Variants in CCDC154 observed in about 807,000 individuals in gnomAD.
CCDC154 encodes the protein coiled-coil domain-containing protein 154.
In CCDC154, 91 loss-of-function variants were observed where a neutral mutation model predicts 87.5. The observed-to-expected ratio is 1.04, with a 90% CI of 0.88 to 1.24. The LOEUF (loss-of-function observed/expected upper bound fraction) is 1.24, where lower values mean the gene tolerates loss of function less well. Among genes scored for constraint, CCDC154 ranks in the 50% most tolerant of loss-of-function variants. CCDC154 has a pLI of 0.00. For synonymous variants in CCDC154, 418 were observed against 400.4 expected, an observed-to-expected ratio of 1.04 and a Z score of -0.52; for missense variants, 903 against 879.2, an observed-to-expected ratio of 1.03 and a Z score of -0.34.
chr16:1,435,504 C>CTGTTTT (rs566105546), intron 14 of CCDC154, among the ~76,000 whole-genome samples: 19,186 of 151,800 alleles, frequency 0.13, 2,090 homozygotes, highest in African/African-American at 0.3. Context: ...CCAGGGACAG[C>CTGTTTT]TGTTTTTGTT....
Position 1,442,419 on chromosome 16 carries a change from A to G in CCDC154, c.662T>C (p.Val221Ala). The G allele has an allele frequency of 1.3e-6, 2 of 1,548,422 alleles. No homozygotes were observed. Among genetic ancestry groups the G allele is most frequent in the Non-Finnish European group, 1.7e-6 (2 of 1,146,010 alleles). Residue 221 changes from valine to alanine, a missense_variant, in exon 6 of 17, where the codon GTG becomes GCG. By Grantham distance (64) the Val-to-Ala change is moderately conservative. Coordinates refer to ENST00000389176, the MANE Select transcript of CCDC154 (RefSeq NM_001143980.3). ...EDSSRRVDLE[V>A]ARMQAQVTKL... is the part of the protein sequence containing the mutation. Reference sequence around the variant, plus strand: ...GCCTGGTGGTACCTGCATTCTGGCCACCTCCAGGTCCACCCTCCGGCTGCT... The same window carrying G: ...GCCTGGTGGTACCTGCATTCTGGCCGCCTCCAGGTCCACCCTCCGGCTGCT...
chr16:1,442,577 CA>C, intron 5 of CCDC154, 48 bp from the exon 6 acceptor site: 1 of 1,483,428 alleles, frequency 6.7e-7, no homozygotes, highest in Non-Finnish European at 9.0e-7. Flanking sequence ...CCGGAGGGCC[CA>C]GCAGGGTGAG....
chr16:1,434,625 G>A lies in CCDC154; in HGVS notation c.1877+43C>T, dbSNP rs1401888710. On this transcript the variant is annotated intron_variant, in intron 16 of 16. Transcript: ENST00000389176. The stretch of plus-strand genomic sequence containing the variant: ...TGTGGGCCCCCAGCCCTGAACCCCG[G>A]CCCAAAGGCCCAGGAGGCCGCGCCG... The A allele has an allele frequency of 3.3e-6, 5 of 1,534,452 alleles. No homozygotes were observed. The African/African-American group carries it at 6.9e-5, about 21-fold the overall frequency.
intron 11 of CCDC154, 147 bp downstream of exon 11, chr16:1,437,670 C>G (rs1475694705): frequency 9.6e-7 from 1 of 1,043,174 alleles, no homozygotes; most frequent in Non-Finnish European, 1.3e-6. Flanking sequence ...CTCGGGGTCT[C>G]CCAGGCCCTG....
Position 1,434,538 on chromosome 16 carries a change from T to C in CCDC154, c.1878-4A>G, listed in dbSNP as rs1273783764. The stretch of plus-strand genomic sequence containing the variant: ...GGACGCCTTCCAGCGCAGCCACCTG[T>C]CCAGAGATGCGGCACATGGCCCCTG... On this transcript the variant is annotated splice_region_variant and splice_polypyrimidine_tract_variant and intron_variant, in intron 16 of 16. Transcript: ENST00000389176. 2.6e-5 allele frequency: 40 copies of C among 1,542,556 alleles called. No individual in the cohort carries two copies. Among genetic ancestry groups the C allele is most frequent in the Non-Finnish European group, 3.2e-5 (37 of 1,143,796 alleles).
Position 1,438,113 on chromosome 16 carries a change from G to C in CCDC154, c.1089C>G (p.Asn363Lys). Reference sequence around the variant, plus strand: ...CGCCAGCCAGCTGTGCGGCCTCCAGGTTCTCCTGCACATAGGCGGCCAGCT... The same window carrying C: ...CGCCAGCCAGCTGTGCGGCCTCCAGCTTCTCCTGCACATAGGCGGCCAGCT... ...AGELAAYVQE[N>K]LEAAQLAGEL... The change falls in exon 10 of 17, where the codon AAC becomes AAG. Residue 363 changes from asparagine to lysine, a missense_variant. Asn to Lys is a moderately conservative substitution (Grantham distance 94, BLOSUM62 0). Coordinates refer to ENST00000389176, the MANE Select transcript of CCDC154 (RefSeq NM_001143980.3). 1 of 1,548,850 alleles carries C rather than the reference G, an allele frequency of 6.5e-7. No individual in the cohort carries two copies. The highest frequency in any genetic ancestry group is 8.7e-7 in the Non-Finnish European group (1 of 1,146,208).
Position 1,437,954 on chromosome 16 carries a change from G to C in CCDC154, c.1153C>G (p.Leu385Val), listed in dbSNP as rs1432558848. The C allele has an allele frequency of 6.5e-7, 1 of 1,545,966 alleles. No homozygotes were observed. The highest frequency in any genetic ancestry group is 8.7e-7 in the Non-Finnish European group (1 of 1,145,070). Residue 385 changes from leucine (L) to valine (V), a missense_variant and splice_region_variant, in exon 11 of 17, where the codon CTC becomes GTC. Transcript: ENST00000389176. ...RQEMHGELVL[L>V]REKSRALEAS... ...TCCAGAGCCCGGCTCTTCTCTCGGA[G>C]CTGCAGGGGACAGGTGGGCACGGGG... is the stretch of plus-strand genomic sequence containing the variant.
At chr16:1,436,305 C>T (rs997290977) in intron 13 of CCDC154, 140 bp downstream of exon 13, 20 of 877,786 alleles carry the variant, frequency 2.3e-5, no homozygotes, top group Admixed American at 4.7e-5. Context: ...AGGGTGAGCC[C>T]GGTGCTGGGC....
At chr16:1,441,070 G>A (rs999518673) in intron 6 of CCDC154, among the ~76,000 whole-genome samples, 2 of 152,170 alleles carry the variant, frequency 1.3e-5, no homozygotes, top group Non-Finnish European at 2.9e-5. Context: ...AGTGAGCTGT[G>A]ATGGCACCAC....
Position 1,442,453 on chromosome 16 carries a change from GGT to G in CCDC154, c.626_627del (p.Asn209ThrfsTer93). 6.5e-7 allele frequency: 1 copy of G among 1,550,258 alleles called. No individual in the cohort carries two copies. ...REVACGALQK[N>X]QEDSSRRVDL... The stretch of plus-strand genomic sequence containing the variant: ...TCCACCCTCCGGCTGCTGTCCTCTT[GGT>G]TCTTCTGCAGGGCGCCGCAGGCCAC... On this transcript the variant is annotated frameshift_variant, in exon 6 of 17. Transcript: ENST00000389176. LOFTEE classifies it high-confidence loss of function.
intron 11 of CCDC154, 117 bp from the exon 12 acceptor site, chr16:1,436,928 A>T: frequency 7.3e-7 from 1 of 1,372,054 alleles, no homozygotes; most frequent in South Asian, 1.4e-5. Flanking sequence ...TCCAGCTCTG[A>T]GACATTTGTG....
At chr16:1,435,233 C>G in intron 14 of CCDC154, 58 bp from the exon 15 acceptor site, 1 of 1,421,070 alleles carries the variant, frequency 7.0e-7, no homozygotes. Context: ...TCCTGCTGTC[C>G]CCACAGGCAC....
In CCDC154 at chr16:1,435,984, C is replaced by T. The variant is rs752048086; in HGVS notation, c.1590G>A (p.Gln530=). The T allele has an allele frequency of 7.1e-6, 11 of 1,549,724 alleles. No homozygotes were observed. The South Asian group carries it at 1.3e-4, about 18-fold the overall frequency. Residue 530 remains glutamine (Q), a synonymous_variant, in exon 14 of 17, where the codon CAG becomes CAA. Transcript: ENST00000389176. ...CCAGGACTACCGTGGCCAGCTTGCC[C>T]TGCATCTCCGCGATCTTCCGCCCAG... ...DNPGRKIAEM[Q]GKLATFQNQI...
rs140018734 is a variant in CCDC154 at position 1,436,243 on chromosome 16, CG to C, written c.1488-158del. Among the ~76,000 whole-genome samples the C allele has an allele frequency of 9.7e-3, 1,483 of 152,276 alleles. 20 individuals are homozygous for C. The highest frequency in any genetic ancestry group is 0.033 in the African/African-American group (1,385 of 41,562). On this transcript the variant is annotated intron_variant, in intron 13 of 16. Coordinates refer to ENST00000389176, the MANE Select transcript of CCDC154 (RefSeq NM_001143980.3). ...CAGTGGGGAAGGTGGGGGTCCCCAA[CG>C]GGGGGTAGAGGGAGGGGCTGGAGGC...
In CCDC154 at chr16:1,434,599, C is replaced by T. The variant is rs1241725812; in HGVS notation, c.1878-65G>A. The T allele has an allele frequency of 6.6e-6, 10 of 1,520,728 alleles. No individual in the cohort carries two copies. The African/African-American group carries it at 1.2e-4, about 19-fold the overall frequency. The allele number at this position is 1,520,728 out of a possible 1,614,324, so 94.2% of individuals were successfully genotyped here. A position where few individuals can be genotyped will look rare whatever the true frequency, so the allele number is the denominator to read the frequency against. On this transcript the variant is annotated intron_variant, in intron 16 of 16. Coordinates refer to ENST00000389176, the MANE Select transcript of CCDC154 (RefSeq NM_001143980.3). The stretch of plus-strand genomic sequence containing the variant: ...CCACCCCCCATGGCCCACCTGCTGC[C>T]TGTGGGCCCCCAGCCCTGAACCCCG...
chr16:1,442,635 C>T (rs1196455795), intron 5 of CCDC154, 106 bp from the exon 6 acceptor site: 2 of 1,296,774 alleles, frequency 1.5e-6, no homozygotes, highest in Non-Finnish European at 2.1e-6. Flanking sequence ...CCCCCGCCCC[C>T]TGCCCCACCA....
At position 1,435,519 on chromosome 16, in the gene CCDC154, T is replaced by TTTTTGTTTTTG. The variant is rs1555462959; in HGVS notation, c.1606-345_1606-344insCAAAAACAAAA. On this transcript the variant is annotated intron_variant, in intron 14 of 16. Transcript: ENST00000389176. ...CCAGGGACAGCTGTTTTTGTTTTTG[T>TTTTTGTTTTTG]TTTTGTTTTGTTTTGTTTTGTTTGA... Among the ~76,000 whole-genome samples, 151 of 150,774 alleles carry TTTTTGTTTTTG rather than the reference T, an allele frequency of 1.0e-3. 1 individual carries two copies. Among genetic ancestry groups the TTTTTGTTTTTG allele is most frequent in the African/African-American group, 3.4e-3 (137 of 40,186 alleles).
chr16:1,443,015 C>T, intron 4 of CCDC154, 40 bp from the exon 5 acceptor site: 1 of 1,546,684 alleles, frequency 6.5e-7, no homozygotes, highest in East Asian at 2.4e-5. Flanking sequence ...CCCAGGCGGG[C>T]TGAGCAGCCT....
chr16:1,442,393 G>A lies in CCDC154; in HGVS notation c.675+13C>T. The stretch of plus-strand genomic sequence containing the variant: ...CTCTGGGCGGCCCCCCTGAAGCCTG[G>A]GCCTGGTGGTACCTGCATTCTGGCC... On this transcript the variant is annotated intron_variant, in intron 6 of 16. Coordinates refer to ENST00000389176, the MANE Select transcript of CCDC154 (RefSeq NM_001143980.3). 6.5e-7 allele frequency: 1 copy of A among 1,542,874 alleles called. No individual in the cohort carries two copies. The highest frequency in any genetic ancestry group is 8.7e-7 in the Non-Finnish European group (1 of 1,143,214).
Sources: allele counts gnomAD v4.1 joint callset (sites outside exome capture counted in the v4.1 genomes callset), GRCh38; gene constraint gnomAD v4.1.1; transcripts MANE v1.5; gene names NCBI Gene and HGNC (gene_info 2026-07-23, HGNC 2026-07-21).